DET1: variants seen among roughly 807,000 people sequenced by gnomAD.
DET1 encodes the protein DET1 homolog.
In DET1, 22 loss-of-function variants were observed where a neutral mutation model predicts 43.7. That is an observed-to-expected ratio of 0.50 (90% confidence interval 0.36 to 0.72). The LOEUF is 0.72. Among genes scored for constraint, DET1 ranks in the 30% least tolerant of loss-of-function variants. DET1 has a pLI of 0.00. For missense variants in DET1, 713 were observed against 713.3 expected (o/e 1.00, Z 0.00); for synonymous variants, 315 against 266.2 (o/e 1.18, Z -1.79).
intron 3 of DET1, among the ~76,000 whole-genome samples, chr15:88,523,476 C>A (rs1340669156): frequency 1.3e-5 from 2 of 152,168 alleles, no homozygotes; most frequent in Non-Finnish European, 2.9e-5. Context: ...TACACAGTCT[C>A]CCTCTGATGC....
intron 1 of DET1, among the ~76,000 whole-genome samples, chr15:88,533,784 G>A (rs1470108684): frequency 6.8e-6 from 1 of 148,086 alleles, no homozygotes; most frequent in Non-Finnish European, 1.5e-5. Flanking sequence ...CTACTTGGGA[G>A]GCTGAGGTGG....
intron 1 of DET1, among the ~76,000 whole-genome samples, chr15:88,535,843 A>G (rs953653924): frequency 6.6e-6 from 1 of 152,102 alleles, no homozygotes; most frequent in Non-Finnish European, 1.5e-5. Flanking sequence ...GAAGGGAGAG[A>G]GGAAGGAAGC....
chr15:88,517,707 G>C (rs191187138), intron 3 of DET1, among the ~76,000 whole-genome samples: 1 of 152,292 alleles, frequency 6.6e-6, no homozygotes, highest in African/African-American at 2.4e-5. Flanking sequence ...ACCCTGAACA[G>C]AAGCAGCCTC....
chr15:88,538,150 G>T (rs2142330987), intron 1 of DET1, among the ~76,000 whole-genome samples: 1 of 152,224 alleles, frequency 6.6e-6, no homozygotes, highest in Middle Eastern at 3.4e-3. Flanking sequence ...GCCCAAACTG[G>T]TTTTTACTAA....
At position 88,516,688 on chromosome 15, in the gene DET1, C is replaced by G. The variant is rs567640299; in HGVS notation, c.1463+94G>C. ...CAACCTTACCCATGAGTACGAGTCA[C>G]AGTCACAATCAAATGATGTCCAGAA... is the stretch of plus-strand genomic sequence containing the variant. On this transcript the variant is annotated intron_variant, in intron 4 of 4. Transcript: ENST00000268148. This position sits in a 1 kb window ranked among gnomAD's most constrained non-coding sequence, Gnocchi z 4.4. 8.1e-6 allele frequency: 9 copies of G among 1,113,144 alleles called. No individual in the cohort carries two copies. In the East Asian group the frequency reaches 2.7e-4, roughly 33 times the overall value. The allele number at this position is 1,113,144 out of a possible 1,614,324, so 69.0% of individuals were successfully genotyped here.
At chr15:88,541,961 T>A (rs2057119564) in intron 1 of DET1, among the ~76,000 whole-genome samples, 1 of 152,182 alleles carries the variant, frequency 6.6e-6, no homozygotes, top group South Asian at 2.1e-4. Context: ...CTACTACCAC[T>A]GAGAGAGGCA....
chr15:88,505,837 C>T (rs757623353), intron 7 of DET1: 6 of 152,232 alleles, frequency 3.9e-5, no homozygotes, highest in Admixed American at 2.0e-4. Context: ...AATAACAAAC[C>T]TTCAGCAAAC....
intron 3 of DET1, among the ~76,000 whole-genome samples, chr15:88,521,871 TGG>T (rs2056499369): frequency 6.6e-6 from 1 of 151,592 alleles, no homozygotes; most frequent in South Asian, 2.1e-4. Context: ...CCTCTGTGTG[TGG>T]GTCTTTTTCA....
intron 3 of DET1, among the ~76,000 whole-genome samples, chr15:88,522,992 C>T (rs1329560090): frequency 6.6e-6 from 1 of 151,684 alleles, no homozygotes; most frequent in Admixed American, 6.6e-5. Context: ...AGCAATCTTC[C>T]TGCCTCAGCC....
chr15:88,536,518 G>A (rs565687341), intron 1 of DET1: 52 of 518,108 alleles, frequency 1.0e-4, no homozygotes, highest in Admixed American at 1.9e-4. Flanking sequence ...AGTGGCTCAC[G>A]CCTGTAATAC....
chr15:88,544,775 A>G (rs934441726), intron 1 of DET1, among the ~76,000 whole-genome samples: 1 of 152,148 alleles, frequency 6.6e-6, no homozygotes, highest in Non-Finnish European at 1.5e-5. Context: ...AACTGTGCCT[A>G]AGTCAGGACG....
At chr15:88,545,794 C>T (rs1300319873) in intron 1 of DET1, among the ~76,000 whole-genome samples, 1 of 151,634 alleles carries the variant, frequency 6.6e-6, no homozygotes, top group Non-Finnish European at 1.5e-5. Flanking sequence ...AGACAGACTC[C>T]ATCTTGGCTC....
chr15:88,516,958 A>C lies in DET1; in HGVS notation c.1287T>G (p.Ile429Met). The C allele has an allele frequency of 6.3e-7, 1 of 1,592,306 alleles. No individual in the cohort carries two copies. The change falls in exon 4 of 5, where the codon ATT (isoleucine) becomes ATG (methionine). Residue 429 changes from isoleucine to methionine, a missense_variant. Transcript: ENST00000268148. This position sits in a 1 kb window ranked among gnomAD's most constrained non-coding sequence, Gnocchi z 4.4. ...TGTGCCCTCCATACTTGGCATTTAT[A>C]ATAGTGTCTTTGAACCTAAATGAAA... ...RQIQRRFKDT[I>M]INAKYGGHTE...
intron 1 of DET1, among the ~76,000 whole-genome samples, chr15:88,544,620 G>GA (rs2057198595): frequency 6.6e-6 from 1 of 152,108 alleles, no homozygotes; most frequent in Non-Finnish European, 1.5e-5. Flanking sequence ...CTCCTGCTTT[G>GA]AAAAGACTTC....
In DET1 at chr15:88,512,860, C is replaced by T; in HGVS notation, c.*91G>A. 1 of 1,536,706 alleles carries T rather than the reference C, an allele frequency of 6.5e-7. No individual in the cohort carries two copies. Among genetic ancestry groups the T allele is most frequent in the Non-Finnish European group, 8.8e-7 (1 of 1,138,888 alleles). Reference sequence around the variant, plus strand: ...GTATAGCAGGCTGGAACTAACAGAGCTAGTAGTCGGGAGCTTTTGCTTTGG... The same window carrying T: ...GTATAGCAGGCTGGAACTAACAGAGTTAGTAGTCGGGAGCTTTTGCTTTGG... On this transcript the variant is annotated 3_prime_UTR_variant, in exon 5 of 5. Coordinates refer to ENST00000268148, the MANE Select transcript of DET1 (RefSeq NM_001144074.3).
At chr15:88,530,597 G>C (rs147653616) in intron 2 of DET1, 26 bp downstream of exon 2, 2 of 1,553,686 alleles carry the variant, frequency 1.3e-6, no homozygotes, top group East Asian at 2.3e-5. Context: ...GATTAGACAA[G>C]TAAAAGGCAG....
At chr15:88,509,358 C>G (rs775202919), downstream of DET1, among the ~76,000 whole-genome samples, 19 of 152,170 alleles carry the variant, frequency 1.2e-4, no homozygotes, top group Non-Finnish European at 2.5e-4. Flanking sequence ...AGGTGCAAAA[C>G]AGCAATTTCA....
At chr15:88,521,042 T>C (rs551776184) in intron 3 of DET1, among the ~76,000 whole-genome samples, 1 of 152,282 alleles carries the variant, frequency 6.6e-6, no homozygotes, top group South Asian at 2.1e-4. Flanking sequence ...ACCTCATCTA[T>C]AGTTAAAGCC....
Position 88,504,365 on chromosome 15 carries a change from C to T in DET1, c.*2066-378G>A, listed in dbSNP as rs913878036. The T allele has an allele frequency of 6.6e-6, 1 of 152,100 alleles. No individual in the cohort carries two copies. Among genetic ancestry groups the T allele is most frequent in the Non-Finnish European group, 1.5e-5 (1 of 68,022 alleles). 9.4% of individuals were successfully genotyped at this position (152,100 alleles called of 1,614,324 possible). On this transcript the variant is annotated intron_variant and NMD_transcript_variant, in intron 7 of 8. Coordinates refer to the DET1 transcript ENST00000557842. The surrounding 1 kb of genome is among the most constrained non-coding windows in gnomAD (Gnocchi z 4.7). The stretch of plus-strand genomic sequence containing the variant: ...TTGGTCATGCCAATCAACCATGATA[C>T]GATGTGGGAGGGCATGAATATAGAA...
Sources: allele counts gnomAD v4.1 joint callset (sites outside exome capture counted in the v4.1 genomes callset), GRCh38; gene constraint gnomAD v4.1.1; non-coding constraint Gnocchi (gnomAD v3.1); transcripts MANE v1.5; gene names NCBI Gene and HGNC (gene_info 2026-07-23, HGNC 2026-07-21).